The following VSNL1 variants were observed in gnomAD, a reference collection of about 807,000 sequenced individuals.
The protein encoded by VSNL1 is visinin like 1, also known as visinin-like protein 1.
VSNL1 carries 6 observed loss-of-function variants against 20.4 expected under a neutral mutation model. That is an observed-to-expected ratio of 0.29 (90% confidence interval 0.16 to 0.58). The LOEUF is 0.58. Ranked by LOEUF, VSNL1 falls within the 20% of genes least tolerant of loss-of-function variation. The pLI is 0.90. For missense variants in VSNL1, 100 were observed against 234.5 expected (o/e 0.43, Z 3.75); for synonymous variants, 93 against 86.4 (o/e 1.08, Z -0.42).
At chr2:17,588,892 T>C (rs768261920) in intron 1 of VSNL1, among the ~76,000 whole-genome samples, 7 of 152,228 alleles carry the variant, frequency 4.6e-5, no homozygotes, top group Non-Finnish European at 8.8e-5. Context: ...CCCTTATTTA[T>C]TCATGTCCTC....
chr2:17,576,655 T>G (rs1042525748), intron 1 of VSNL1, among the ~76,000 whole-genome samples: 5 of 152,230 alleles, frequency 3.3e-5, no homozygotes, highest in African/African-American at 1.2e-4. Flanking sequence ...GTTGAATATA[T>G]AGTCCCATGT....
intron 2 of VSNL1, among the ~76,000 whole-genome samples, chr2:17,633,699 G>A (rs939149218): frequency 2.0e-5 from 3 of 152,108 alleles, no homozygotes; most frequent in African/African-American, 7.2e-5. Context: ...AGAGTTGGGG[G>A]CAGGCATAAA....
chr2:17,609,642 A>C (rs183862805), intron 2 of VSNL1, among the ~76,000 whole-genome samples: 3 of 152,288 alleles, frequency 2.0e-5, no homozygotes, highest in Admixed American at 6.5e-5. Context: ...CATTATCAAG[A>C]GTGGTTAGTG....
At chr2:17,604,581 C>T (rs189521317) in intron 2 of VSNL1, among the ~76,000 whole-genome samples, 2 of 152,330 alleles carry the variant, frequency 1.3e-5, no homozygotes, top group African/African-American at 2.4e-5. Flanking sequence ...ACCAACTTTC[C>T]GGGTAAAAAC....
chr2:17,636,822 G>C (rs537133170), intron 2 of VSNL1, among the ~76,000 whole-genome samples: 1 of 152,194 alleles, frequency 6.6e-6, no homozygotes, highest in South Asian at 2.1e-4. Context: ...GGACAGGGCT[G>C]CTCTCAAAGG....
At chr2:17,597,528 G>A (rs540037171) in intron 2 of VSNL1, among the ~76,000 whole-genome samples, 2 of 152,314 alleles carry the variant, frequency 1.3e-5, no homozygotes, top group South Asian at 2.1e-4. Context: ...ACCTGAGACA[G>A]GTGAGAGAGC....
At chr2:17,543,667 G>A (rs1341464079) in intron 1 of VSNL1, among the ~76,000 whole-genome samples, 2 of 152,234 alleles carry the variant, frequency 1.3e-5, no homozygotes, top group African/African-American at 4.8e-5. Flanking sequence ...GAGGAGAGTA[G>A]TGCAGCTTTT....
rs79581592 is a variant in VSNL1, at chr2:17,612,298, G to A, written c.162+20062G>A. Among the ~76,000 whole-genome samples the A allele has an allele frequency of 6.1e-3, 931 of 152,226 alleles. 8 individuals carry two copies. The highest frequency in any genetic ancestry group is 0.021 in the African/African-American group (877 of 41,526). ...CCATGTGATTTCTGTGGCTTGTCTC[G>A]GGGACTGGCCAGCAAAGCTGCTGAG... On this transcript the variant is annotated intron_variant, in intron 2 of 3. Coordinates refer to ENST00000295156, the MANE Select transcript of VSNL1 (RefSeq NM_003385.5).
intron 1 of VSNL1, among the ~76,000 whole-genome samples, chr2:17,581,633 T>C (rs1345638228): frequency 6.6e-6 from 1 of 152,212 alleles, no homozygotes; most frequent in Non-Finnish European, 1.5e-5. Context: ...AAATATTCCT[T>C]ACCCAATCTC....
intron 2 of VSNL1, among the ~76,000 whole-genome samples, chr2:17,638,386 G>A (rs1450257391): frequency 3.3e-5 from 5 of 152,146 alleles, no homozygotes; most frequent in African/African-American, 1.2e-4. Flanking sequence ...TTTTTCAAGT[G>A]TAATGTTGAA....
chr2:17,584,540 C>G (rs547365977), intron 1 of VSNL1, among the ~76,000 whole-genome samples: 1 of 152,096 alleles, frequency 6.6e-6, no homozygotes, highest in East Asian at 1.9e-4. Context: ...GACCAATGTC[C>G]GCTGCCAGCA....
At chr2:17,622,532 AAAAGAAAGAAAG>A (rs201871488) in intron 2 of VSNL1, among the ~76,000 whole-genome samples, 9,400 of 98,264 alleles carry the variant, frequency 0.096, 668 homozygotes, top group African/African-American at 0.12. Flanking sequence ...AGAAAGAAAG[AAAAGAAAGAAAG>A]AAAGAAAGAA....
At position 17,655,178 on chromosome 2, in the gene VSNL1, C is replaced by A; in HGVS notation, c.379-19C>A. On this transcript the variant is annotated intron_variant, in intron 3 of 3. Coordinates refer to ENST00000295156, the MANE Select transcript of VSNL1 (RefSeq NM_003385.5). The surrounding 1 kb of genome is among the most constrained non-coding windows in gnomAD (Gnocchi z 5.2). ...CCTGGGTTTCTGGTAATATCACCTACAATGCTTTTTTCCCCAAGGCTATCT... is the reference window on the plus strand; with the variant it reads ...CCTGGGTTTCTGGTAATATCACCTAAAATGCTTTTTTCCCCAAGGCTATCT... The A allele has an allele frequency of 6.2e-7, 1 of 1,610,654 alleles. No homozygotes were observed. The highest frequency in any genetic ancestry group is 8.5e-7 in the Non-Finnish European group (1 of 1,178,942).
chr2:17,654,584 C>G (rs570457415), intron 3 of VSNL1, among the ~76,000 whole-genome samples: 5 of 152,206 alleles, frequency 3.3e-5, no homozygotes, highest in African/African-American at 1.2e-4. Flanking sequence ...ATTGAGCCAC[C>G]CTTTCTAACC....
rs573393574 is a variant in VSNL1 at position 17,608,796 on chromosome 2, C to T, written c.162+16560C>T. ...GAATCAATCTCACCATTTAGTTTTA[C>T]GATTTCCAAGCTGTCATAGATGTCC... On this transcript the variant is annotated intron_variant, in intron 2 of 3. Coordinates refer to ENST00000295156, the MANE Select transcript of VSNL1 (RefSeq NM_003385.5). Among the ~76,000 whole-genome samples the T allele has an allele frequency of 6.6e-5, 10 of 152,260 alleles. No individual in the cohort carries two copies. The South Asian group carries it at 1.2e-3, about 19-fold the overall frequency.
In VSNL1 at chr2:17,630,631, C is replaced by T. The variant is rs543260829; in HGVS notation, c.163-18779C>T. ...GAAGAAGAGAGAAGATGATAACTTC[C>T]ACATATTAAAATATTTTATAAGCTT... is the stretch of plus-strand genomic sequence containing the variant. On this transcript the variant is annotated intron_variant, in intron 2 of 3. Coordinates refer to ENST00000295156, the MANE Select transcript of VSNL1 (RefSeq NM_003385.5). Among the ~76,000 whole-genome samples the T allele has an allele frequency of 1.1e-4, 16 of 152,258 alleles. No homozygotes were observed. The South Asian group carries it at 3.3e-3, about 32-fold the overall frequency.
intron 1 of VSNL1, among the ~76,000 whole-genome samples, chr2:17,584,878 A>G (rs1275349856): frequency 6.6e-6 from 1 of 152,126 alleles, no homozygotes; most frequent in African/African-American, 2.4e-5. Flanking sequence ...TAAGTCCCCT[A>G]GCCTCCTTGG....
At chr2:17,565,252 T>C (rs145448803) in intron 1 of VSNL1, among the ~76,000 whole-genome samples, 1 of 152,194 alleles carries the variant, frequency 6.6e-6, no homozygotes. Context: ...TACTTTTTTA[T>C]TGGGAGAAAT....
At chr2:17,591,992 G>C in intron 1 of VSNL1, 78 bp from the exon 2 acceptor site, 1 of 1,561,826 alleles carries the variant, frequency 6.4e-7, no homozygotes, top group East Asian at 2.3e-5. Context: ...GGACTGCTCA[G>C]AACTCTAGCT....
Sources: allele counts gnomAD v4.1 joint callset (sites outside exome capture counted in the v4.1 genomes callset), GRCh38; gene constraint gnomAD v4.1.1; non-coding constraint Gnocchi (gnomAD v3.1); transcripts MANE v1.5; gene names NCBI Gene and HGNC (gene_info 2026-07-23, HGNC 2026-07-21).